XPO6: variants seen among roughly 807,000 people sequenced by gnomAD.
XPO6 encodes exportin 6, also known as exportin-6.
Under a neutral mutation model 130.0 loss-of-function variants are expected in XPO6, and 3 were observed. That is an observed-to-expected ratio of 0.02 (90% confidence interval 0.01 to 0.06). XPO6 has a LOEUF of 0.06. XPO6 is among the 10% of genes least tolerant of loss of function. The probability of loss-of-function intolerance (pLI) is 1.00; values close to 1 mark genes in which losing one functional copy is unlikely to be tolerated. For missense variants in XPO6, 970 were observed against 1,393.0 expected (o/e 0.70, Z 4.83); for synonymous variants, 524 against 548.9 (o/e 0.95, Z 0.63).
intron 21 of XPO6, among the ~76,000 whole-genome samples, chr16:28,104,003 T>G (rs1157995902): frequency 2.6e-5 from 4 of 152,278 alleles, no homozygotes; most frequent in East Asian, 1.9e-4. Context: ...AGGCTGGCTG[T>G]CTGGGCGAGG....
intron 12 of XPO6, among the ~76,000 whole-genome samples, chr16:28,129,501 C>G (rs2042624823): frequency 2.0e-5 from 3 of 152,106 alleles, no homozygotes; most frequent in Admixed American, 1.3e-4. Flanking sequence ...CATGGCCACA[C>G]AAAAGTCCTA....
In XPO6 at chr16:28,159,482, C is replaced by T. The variant is rs546144434; in HGVS notation, c.644-2955G>A. 2.6e-5 allele frequency among the ~76,000 whole-genome samples: 4 copies of T among 152,236 alleles called. No homozygotes were observed. The South Asian group carries it at 6.2e-4, about 24-fold the overall frequency. ...CAGCATGGGGACATTCTCTCAAACA[C>T]GCAAAAACTCAGGTAACTCCACAAA... is the stretch of plus-strand genomic sequence containing the variant. On this transcript the variant is annotated intron_variant, in intron 6 of 23. Coordinates refer to ENST00000304658, the MANE Select transcript of XPO6 (RefSeq NM_015171.4).
Position 28,111,907 on chromosome 16 carries a change from G to A in XPO6, c.2251C>T (p.His751Tyr). ...GAGAGTGCAGAGATGAGGCTGGCGT[G>A]GTTGATGGAGCGCACGGGCCACTGC... ...EQQWPVRSIN[H>Y]ASLISALSRD... The change falls in exon 17 of 24, where the codon CAC becomes TAC. Residue 751 changes from histidine to tyrosine, a missense_variant. Coordinates refer to ENST00000304658, the MANE Select transcript of XPO6 (RefSeq NM_015171.4). The A allele has an allele frequency of 2.5e-6, 4 of 1,614,158 alleles. No homozygotes were observed. The highest frequency in any genetic ancestry group is 1.3e-5 in the African/African-American group (1 of 75,038).
At chr16:28,123,531 A>G (rs918374611) in intron 13 of XPO6, among the ~76,000 whole-genome samples, 5 of 152,248 alleles carry the variant, frequency 3.3e-5, no homozygotes, top group African/African-American at 9.6e-5. Context: ...TTGTCCCAGC[A>G]TAACAATCAA....
At position 28,101,743 on chromosome 16, in the gene XPO6, G is replaced by A; in HGVS notation, c.3046-55C>T. The A allele has an allele frequency of 1.9e-6, 3 of 1,584,970 alleles. No individual in the cohort carries two copies. Among genetic ancestry groups the A allele is most frequent in the Non-Finnish European group, 2.6e-6 (3 of 1,161,542 alleles). ...GCCAGCCCCCAGGGGCCTGTCCCGG[G>A]TCCCATCCACTTTCTGTCACACTCT... On this transcript the variant is annotated intron_variant, in intron 22 of 23. Coordinates refer to ENST00000304658, the MANE Select transcript of XPO6 (RefSeq NM_015171.4). The surrounding 1 kb of genome is among the most constrained non-coding windows in gnomAD (Gnocchi z 5.4).
chr16:28,177,459 A>G, intron 2 of XPO6, 127 bp from the exon 3 acceptor site: 1 of 543,320 alleles, frequency 1.8e-6, no homozygotes, highest in South Asian at 2.3e-5. Flanking sequence ...AAACCAGCGG[A>G]TTCTTTAAGA....
chr16:28,130,119 C>T (rs892483307), intron 12 of XPO6, among the ~76,000 whole-genome samples: 1 of 152,226 alleles, frequency 6.6e-6, no homozygotes, highest in Non-Finnish European at 1.5e-5. Flanking sequence ...GGAAGGGAAA[C>T]AGTGAGAAGC....
chr16:28,146,590 T>C (rs1418988975), intron 8 of XPO6, among the ~76,000 whole-genome samples: 1 of 152,162 alleles, frequency 6.6e-6, no homozygotes, highest in Non-Finnish European at 1.5e-5. Context: ...TAAAAACAAG[T>C]CCCTTTACCC....
At chr16:28,135,081 T>C (rs1283982568) in intron 10 of XPO6, 135 bp downstream of exon 10, 15 of 624,784 alleles carry the variant, frequency 2.4e-5, no homozygotes, top group South Asian at 5.3e-5. Flanking sequence ...AAATTTCAAA[T>C]GTACGACTCA....
At position 28,211,742 on chromosome 16, in the gene XPO6, G is replaced by A. The variant is rs1280466129; in HGVS notation, c.-374C>T. The A allele has an allele frequency of 1.4e-5, 5 of 346,008 alleles. No homozygotes were observed. Among genetic ancestry groups the A allele is most frequent in the South Asian group, 1.5e-4 (1 of 6,642 alleles). The allele number at this position is 346,008 out of a possible 1,614,324, so 21.4% of individuals were successfully genotyped here. ...GGCCTCCGCGGGCAGAGGTGGCGGC[G>A]GCCCCGGCCCCGAGGCTGAACGGGC... On this transcript the variant is annotated 5_prime_UTR_variant, in exon 1 of 24. Transcript: ENST00000304658.
chr16:28,179,719 G>A (rs1219744842), intron 2 of XPO6, among the ~76,000 whole-genome samples: 1 of 152,184 alleles, frequency 6.6e-6, no homozygotes, highest in East Asian at 1.9e-4. Flanking sequence ...GAAAAGCCTA[G>A]AGTTTATCCC....
intron 6 of XPO6, among the ~76,000 whole-genome samples, chr16:28,165,003 G>C (rs1429168730): frequency 6.6e-6 from 1 of 152,160 alleles, no homozygotes; most frequent in African/African-American, 2.4e-5. Context: ...GATAGCTTAA[G>C]CTCAGGAGTT....
At chr16:28,125,945 G>GCTTTAGATACTACAGATAACAGCTGGTC in intron 12 of XPO6, 97 bp from the exon 13 acceptor site, 2 of 1,479,890 alleles carry the variant, frequency 1.4e-6, no homozygotes, top group Non-Finnish European at 1.8e-6. Context: ...AGCAAAACCA[G>GCTTTAGATACTACAGATAACAGCTGGTC]CAGCAAAACC....
intron 1 of XPO6, among the ~76,000 whole-genome samples, chr16:28,201,233 A>C (rs1162625654): frequency 6.6e-6 from 1 of 152,178 alleles, no homozygotes; most frequent in African/African-American, 2.4e-5. Flanking sequence ...GATTTTGGAA[A>C]TACAAGGTGT....
At chr16:28,126,775 A>C (rs753821081) in intron 12 of XPO6, 6 of 152,094 alleles carry the variant, frequency 3.9e-5, no homozygotes, top group Admixed American at 2.6e-4. Context: ...AGGAACAGAG[A>C]CCTGCAGGTC....
At chr16:28,170,104 G>C (rs113866455) in intron 4 of XPO6, among the ~76,000 whole-genome samples, 195 bp from the exon 5 acceptor site, 4 of 151,906 alleles carry the variant, frequency 2.6e-5, no homozygotes, top group Non-Finnish European at 5.9e-5. Context: ...TGGCTGAGAC[G>C]GGCGGATCAC....
At chr16:28,150,759 C>T (rs1004292351) in intron 8 of XPO6, among the ~76,000 whole-genome samples, 9 of 152,212 alleles carry the variant, frequency 5.9e-5, no homozygotes, top group Non-Finnish European at 1.3e-4. Flanking sequence ...ATTTCTGTTA[C>T]GCTATTTAAC....
chr16:28,161,468 C>T (rs1307409814), intron 6 of XPO6, among the ~76,000 whole-genome samples: 3 of 151,502 alleles, frequency 2.0e-5, no homozygotes, highest in Non-Finnish European at 4.4e-5. Context: ...TAAAAGTGGA[C>T]TTATCAAGTT....
intron 6 of XPO6, among the ~76,000 whole-genome samples, chr16:28,159,144 C>T (rs1006789446): frequency 7.2e-5 from 11 of 151,864 alleles, no homozygotes; most frequent in African/African-American, 2.4e-4. Context: ...GTGGGAGGAT[C>T]GCTTGAGCCC....
Sources: allele counts gnomAD v4.1 joint callset (sites outside exome capture counted in the v4.1 genomes callset), GRCh38; gene constraint gnomAD v4.1.1; non-coding constraint Gnocchi (gnomAD v3.1); transcripts MANE v1.5; gene names NCBI Gene and HGNC (gene_info 2026-07-23, HGNC 2026-07-21).